The following ABCG5 variants were observed in gnomAD, a reference collection of about 807,000 sequenced individuals.
The protein encoded by ABCG5 is ATP binding cassette subfamily G member 5.
In ABCG5, 64 loss-of-function variants were observed where a neutral mutation model predicts 64.5. The observed-to-expected ratio is 0.99, with a 90% CI of 0.81 to 1.22. The LOEUF (loss-of-function observed/expected upper bound fraction) is 1.22. ABCG5 is among the 50% of genes most tolerant of loss of function. The pLI is 0.00. For missense variants in ABCG5, 908 were observed against 829.5 expected, an observed-to-expected ratio of 1.09 and a Z score of -1.16; for synonymous variants, 385 against 326.3, an observed-to-expected ratio of 1.18 and a Z score of -1.94.
intron 5 of ABCG5, among the ~76,000 whole-genome samples, chr2:43,827,354 TG>T (rs1667681515): frequency 1.3e-5 from 2 of 149,476 alleles, no homozygotes; most frequent in Non-Finnish European, 3.0e-5. Flanking sequence ...TGACAAGAGC[TG>T]TTAAAAACAT....
Position 43,838,334 on chromosome 2 carries a change from C to T in ABCG5, c.143+203G>A. 1.6e-6 allele frequency: 1 copy of T among 625,692 alleles called. No homozygotes were observed. The highest frequency in any genetic ancestry group is 2.9e-5 in the Admixed American group (1 of 34,008). The allele number at this position is 625,692 out of a possible 1,614,324, so 38.8% of individuals were successfully genotyped here. On this transcript the variant is annotated intron_variant, in intron 1 of 12. Coordinates refer to ENST00000405322, the MANE Select transcript of ABCG5 (RefSeq NM_022436.3). The surrounding 1 kb of genome is among the most constrained non-coding windows in gnomAD (Gnocchi z 4.2). ...CCACTTTGTTTATGCCCAGGCCCTT[C>T]CCTGGGCAGGGGGAGGGGCCATTCA...
intron 10 of ABCG5, 30 bp downstream of exon 10, chr2:43,822,767 C>T (rs760632719): frequency 4.8e-5 from 77 of 1,613,802 alleles, no homozygotes; most frequent in Admixed American, 1.7e-4. Context: ...CATGGGAGCC[C>T]GGCCCTGGGT....
At chr2:43,821,868 C>T (rs78992161) in intron 10 of ABCG5, among the ~76,000 whole-genome samples, 1 of 152,012 alleles carries the variant, frequency 6.6e-6, no homozygotes, top group Non-Finnish European at 1.5e-5. Flanking sequence ...TTTTCATTCT[C>T]TCTCTCTCCC....
chr2:43,826,547 C>T (rs772931757), intron 5 of ABCG5, 26 bp from the exon 6 acceptor site: 1 of 1,614,130 alleles, frequency 6.2e-7, no homozygotes, highest in South Asian at 1.1e-5. Flanking sequence ...GGCCAGACTT[C>T]TAAGGTAGTG....
chr2:43,824,923 AG>A lies in ABCG5; in HGVS notation c.869del (p.Pro290LeufsTer15). 6.2e-7 allele frequency: 1 copy of A among 1,614,102 alleles called. No homozygotes were observed. Among genetic ancestry groups the A allele is most frequent in the Non-Finnish European group, 8.5e-7 (1 of 1,179,968 alleles). On this transcript the variant is annotated frameshift_variant, in exon 7 of 13. Coordinates refer to ENST00000405322, the MANE Select transcript of ABCG5 (RefSeq NM_022436.3). LOFTEE classifies it high-confidence loss of function. ...MLDFFNDCGYPCPEHSNPFDF... is the reference protein window; with the variant it reads ...MLDFFNDCGYXCPEHSNPFDF... ...CAAAAGGGTTTGAATGTTCAGGACA[AG>A]GGTAACCGCAGTCATTGAAGAAATC...
chr2:43,824,505 A>G (rs1464423219), intron 7 of ABCG5, 73 bp from the exon 8 acceptor site: 2 of 1,599,620 alleles, frequency 1.3e-6, no homozygotes, highest in Non-Finnish European at 1.7e-6. Flanking sequence ...TACAATTGGT[A>G]CAGGAGTACT....
In ABCG5 at chr2:43,820,482, C is replaced by T. The variant is rs527590211; in HGVS notation, c.1464-382G>A. Among the ~76,000 whole-genome samples, 8 of 152,258 alleles carry T rather than the reference C, an allele frequency of 5.3e-5. No individual in the cohort carries two copies. The East Asian group carries it at 1.4e-3, about 26-fold the overall frequency. ...ACCACACCTACCTAATGTTAAAGGG[C>T]TCACCCAACCCGCTTCCCAGCACCC... On this transcript the variant is annotated intron_variant, in intron 10 of 12. Coordinates refer to ENST00000405322, the MANE Select transcript of ABCG5 (RefSeq NM_022436.3).
chr2:43,836,269 T>G (rs570445302), intron 2 of ABCG5, among the ~76,000 whole-genome samples: 5 of 152,260 alleles, frequency 3.3e-5, no homozygotes, highest in Admixed American at 6.5e-5. Context: ...ACACTACTGT[T>G]GGCATCTGGT....
chr2:43,823,416 T>C (rs1441606414), intron 9 of ABCG5, among the ~76,000 whole-genome samples: 1 of 152,050 alleles, frequency 6.6e-6, no homozygotes, highest in Non-Finnish European at 1.5e-5. Context: ...AGTCCTTCCC[T>C]CTTATTCCCT....
Position 43,819,977 on chromosome 2 carries a change from T to C in ABCG5, c.1587A>G (p.Ile529Met), listed in dbSNP as rs756361836. 3.1e-6 allele frequency: 5 copies of C among 1,614,148 alleles called. No individual in the cohort carries two copies. The highest frequency in any genetic ancestry group is 4.2e-6 in the Non-Finnish European group (5 of 1,180,034). The part of the protein sequence containing the change: ...VLLGIVQNPN[I>M]VNSVVALLSI... ...ACAGCAGAGCCACTACACTGTTGAC[T>C]ATATTTGGATTTTGGACGATACCAA... Residue 529 changes from isoleucine (I) to methionine (M), a missense_variant, in exon 11 of 13, where the codon ATA (isoleucine) becomes ATG (methionine). Ile to Met is a conservative substitution (Grantham distance 10). Transcript: ENST00000405322.
chr2:43,817,454 C>T lies in ABCG5; in HGVS notation c.1649+2461G>A, dbSNP rs187477464. Among the ~76,000 whole-genome samples the T allele has an allele frequency of 7.1e-4, 108 of 151,978 alleles. No homozygotes were observed. In the East Asian group the frequency reaches 0.016, roughly 22 times the overall value. On this transcript the variant is annotated intron_variant, in intron 11 of 12. Transcript: ENST00000405322. ...GAGCCGAGATCGTGCCATTGCATTC[C>T]AGCCTGGGTGACAGAGTGAGTGAGA...
intron 4 of ABCG5, among the ~76,000 whole-genome samples, chr2:43,830,928 A>G (rs4131229): frequency 0.36 from 54,393 of 152,150 alleles, 11,008 homozygotes; most frequent in East Asian, 0.83. Context: ...TGGATGAGGC[A>G]CATTCAAGAT....
At chr2:43,812,158 C>T (rs1057234984), downstream of ABCG5, among the ~76,000 whole-genome samples, 1 of 152,070 alleles carries the variant, frequency 6.6e-6, no homozygotes, top group African/African-American at 2.4e-5. Flanking sequence ...TTAAGCGATC[C>T]TTCCACATCA....
downstream of ABCG5, chr2:43,810,119 G>T: frequency 2.5e-6 from 1 of 392,532 alleles, no homozygotes; most frequent in Non-Finnish European, 3.5e-6. Flanking sequence ...GCAAGGTTAA[G>T]TGCCCACGTT....
intron 6 of ABCG5, among the ~76,000 whole-genome samples, chr2:43,825,969 C>T (rs966521202): frequency 1.3e-5 from 2 of 150,896 alleles, no homozygotes; most frequent in African/African-American, 2.4e-5. Flanking sequence ...TTCTCTAGCA[C>T]TAACGGTTTT....
chr2:43,813,006 A>T lies in ABCG5; in HGVS notation c.*110T>A. The T allele has an allele frequency of 1.4e-6, 1 of 716,366 alleles. No homozygotes were observed. The highest frequency in any genetic ancestry group is 2.6e-6 in the Non-Finnish European group (1 of 385,818). 44.4% of individuals were successfully genotyped at this position (716,366 alleles called of 1,614,324 possible). ...CAAATGGAGTCTTAATGGTTAAAAGACTTGAGATGTCCTGTCAAGAAAGAA... is the reference window on the plus strand; with the variant it reads ...CAAATGGAGTCTTAATGGTTAAAAGTCTTGAGATGTCCTGTCAAGAAAGAA... On this transcript the variant is annotated 3_prime_UTR_variant, in exon 13 of 13. Coordinates refer to ENST00000405322, the MANE Select transcript of ABCG5 (RefSeq NM_022436.3).
rs867011983 is a variant in ABCG5, at chr2:43,824,274, G to A, written c.1063C>T (p.Pro355Ser). The change falls in exon 8 of 13, where the codon CCT becomes TCT. Residue 355 changes from proline (P) to serine (S), a missense_variant. Physicochemically the swap from Pro to Ser is moderately conservative, Grantham distance 74. Coordinates refer to ENST00000405322, the MANE Select transcript of ABCG5 (RefSeq NM_022436.3). The stretch of plus-strand genomic sequence containing the variant: ...CCAGGAGAATCTTTGGTTTTGAAAG[G>A]AACCATTGGTAACGTTTTCAGGTGT... ...MKHLKTLPMV[P>S]FKTKDSPGVF... 6.2e-7 allele frequency: 1 copy of A among 1,614,174 alleles called. No individual in the cohort carries two copies. The highest frequency in any genetic ancestry group is 8.5e-7 in the Non-Finnish European group (1 of 1,180,034).
In ABCG5 at chr2:43,831,876, G is replaced by T; in HGVS notation, c.403-9C>A. Reference sequence around the variant, plus strand: ...CTCAGCAGGGTGTCGCTCTGCAGGAGACTCGGGCGTCAGTGTAGCCTAAGC... The same window carrying T: ...CTCAGCAGGGTGTCGCTCTGCAGGATACTCGGGCGTCAGTGTAGCCTAAGC... On this transcript the variant is annotated splice_polypyrimidine_tract_variant and intron_variant, in intron 3 of 12. Coordinates refer to ENST00000405322, the MANE Select transcript of ABCG5 (RefSeq NM_022436.3). 6.4e-7 allele frequency: 1 copy of T among 1,552,852 alleles called. No homozygotes were observed. The highest frequency in any genetic ancestry group is 8.7e-7 in the Non-Finnish European group (1 of 1,149,682).
rs186904986 is a variant in ABCG5 at position 43,826,488 on chromosome 2, A to G, written c.668T>C (p.Leu223Pro). ...AATCTGATTAGCAGTCATGCAGTCC[A>G]GGCCTGTGGTTGGCTCATCAAACAG... ...VMLFDEPTTG[L>P]DCMTANQIVV... Residue 223 changes from leucine to proline, a missense_variant, in exon 6 of 13, where the codon CTG becomes CCG. Physicochemically the swap from Leu to Pro is moderately conservative, Grantham distance 98. Transcript: ENST00000405322. The G allele has an allele frequency of 6.2e-7, 1 of 1,614,222 alleles. No homozygotes were observed. Among genetic ancestry groups the G allele is most frequent in the East Asian group, 2.2e-5 (1 of 44,882 alleles).
Sources: allele counts gnomAD v4.1 joint callset (sites outside exome capture counted in the v4.1 genomes callset), GRCh38; gene constraint gnomAD v4.1.1; non-coding constraint Gnocchi (gnomAD v3.1); transcripts MANE v1.5; gene names NCBI Gene and HGNC (gene_info 2026-07-23, HGNC 2026-07-21).